SNRK: variants seen among roughly 807,000 people sequenced by gnomAD.
SNRK encodes the protein SNF related kinase, also known as SNF-related serine/threonine-protein kinase.
In SNRK, 3 loss-of-function variants were observed where a neutral mutation model predicts 48.2. That is an observed-to-expected ratio of 0.06 (90% CI 0.03 to 0.16). The LOEUF is 0.16. SNRK is among the 10% of genes least tolerant of loss of function. The pLI is 1.00. For missense variants in SNRK, 627 were observed against 976.0 expected, an observed-to-expected ratio of 0.64 and a Z score of 4.76; for synonymous variants, 376 against 366.1, an observed-to-expected ratio of 1.03 and a Z score of -0.31.
At chr3:43,332,785 C>T (rs937573506) in intron 4 of SNRK, 1 of 152,258 alleles carries the variant, frequency 6.6e-6, no homozygotes, top group Non-Finnish European at 1.5e-5. Flanking sequence ...CTTCACACAC[C>T]TTCTGCTAAT....
chr3:43,339,818 A>AATATATATAT lies in SNRK; in HGVS notation c.732-422_732-413dup, dbSNP rs71083066. Among the ~76,000 whole-genome samples the AATATATATAT allele has an allele frequency of 2.8e-3, 184 of 66,682 alleles. 4 individuals are homozygous for AATATATATAT. The highest frequency in any genetic ancestry group is 3.9e-3 in the Non-Finnish European group (124 of 32,112). The allele number at this position is 66,682 out of a possible 152,430, so 43.7% of individuals were successfully genotyped here. ...CAATGGAGTGGGACTCCATTTCCAAAATATATATATATATATATATATATA... is the reference window on the plus strand; with the variant it reads ...CAATGGAGTGGGACTCCATTTCCAAAATATATATATATATATATATATATATATATATATA... On this transcript the variant is annotated intron_variant, in intron 4 of 6. Transcript: ENST00000296088.
rs561476166 is a variant in SNRK, at chr3:43,312,749, A to G, written c.589+8957A>G. On this transcript the variant is annotated intron_variant, in intron 3 of 6. Coordinates refer to ENST00000296088, the MANE Select transcript of SNRK (RefSeq NM_017719.5). ...CCTAGAATATCAAATGAATTCTGCA[A>G]TATCACAGAATATTAGATCAACACC... Among the ~76,000 whole-genome samples the G allele has an allele frequency of 7.4e-4, 113 of 152,330 alleles. No homozygotes were observed. In the South Asian group the frequency reaches 9.1e-3, roughly 12 times the overall value.
chr3:43,325,534 G>A (rs1165299524), intron 3 of SNRK, among the ~76,000 whole-genome samples: 5 of 152,128 alleles, frequency 3.3e-5, no homozygotes, highest in South Asian at 2.1e-4. Flanking sequence ...AAACTAAAAC[G>A]TTTAGTTGAT....
At chr3:43,337,437 CGGG>C (rs1265426921) in intron 4 of SNRK, among the ~76,000 whole-genome samples, 1 of 151,780 alleles carries the variant, frequency 6.6e-6, no homozygotes, top group Non-Finnish European at 1.5e-5. Flanking sequence ...TGGAGGGTGT[CGGG>C]GGAATGGTCT....
At position 43,348,142 on chromosome 3, in the gene SNRK, G is replaced by T. The variant is rs1418974259; in HGVS notation, c.1883G>T (p.Gly628Val). Reference protein sequence around the residue: ...NTSGTTRRCAGPSNSMQLASR... With the variant: ...NTSGTTRRCAVPSNSMQLASR... ...TCGGGTACCACACGCCGCTGTGCCG[G>T]CCCCAGCAACTCCATGCAGCTGGCC... Residue 628 changes from glycine (G) to valine (V), a missense_variant, in exon 7 of 7, where the codon GGC becomes GTC. By Grantham distance (109) the Gly-to-Val change is moderately radical. This residue lies in a region of SNRK where 207 missense variants were observed against 234.3 expected (regional missense o/e 0.88). Transcript: ENST00000296088. 2 of 1,579,482 alleles carry T rather than the reference G, an allele frequency of 1.3e-6. No individual in the cohort carries two copies. The highest frequency in any genetic ancestry group is 2.7e-5 in the African/African-American group (2 of 73,958).
rs531710159 is a variant in SNRK at position 43,324,403 on chromosome 3, G to A, written c.590-7766G>A. Among the ~76,000 whole-genome samples the A allele has an allele frequency of 3.1e-3, 472 of 152,174 alleles. 3 individuals are homozygous for A. Among genetic ancestry groups the A allele is most frequent in the Admixed American group, 0.01 (155 of 15,282 alleles). The stretch of plus-strand genomic sequence containing the variant: ...ACATGCCTGTGGTTCCGGCTACTCC[G>A]GAGGCTGAGGCAGAAGAATCGCTTG... On this transcript the variant is annotated intron_variant, in intron 3 of 6. Transcript: ENST00000296088.
intron 1 of SNRK, among the ~76,000 whole-genome samples, chr3:43,299,077 C>T (rs1002413956): frequency 1.3e-5 from 2 of 152,156 alleles, no homozygotes; most frequent in Non-Finnish European, 2.9e-5. Context: ...AGTTAAGCCT[C>T]ATTGTACCTA....
intron 3 of SNRK, among the ~76,000 whole-genome samples, chr3:43,311,265 A>C (rs555095633): frequency 5.8e-4 from 88 of 152,186 alleles, no homozygotes; most frequent in African/African-American, 1.9e-3. Context: ...GTCCTCAGTT[A>C]ATCCTTCTAA....
intron 1 of SNRK, among the ~76,000 whole-genome samples, chr3:43,295,985 C>T (rs921280612): frequency 9.2e-5 from 14 of 152,068 alleles, no homozygotes; most frequent in African/African-American, 1.4e-4. Context: ...GTAATCTATC[C>T]GCTTTGGCCT....
chr3:43,298,965 A>T (rs1207795358), intron 1 of SNRK, among the ~76,000 whole-genome samples: 1 of 152,082 alleles, frequency 6.6e-6, no homozygotes, highest in Admixed American at 6.6e-5. Flanking sequence ...CTTGGCTGCT[A>T]TAGCGTGAGG....
chr3:43,316,641 T>G (rs1214712147), intron 3 of SNRK, among the ~76,000 whole-genome samples: 1 of 152,108 alleles, frequency 6.6e-6, no homozygotes, highest in Non-Finnish European at 1.5e-5. Context: ...TTTTCTTCCC[T>G]GCCTCCCATT....
chr3:43,346,872 T>A (rs1433720467), intron 6 of SNRK: 1 of 153,528 alleles, frequency 6.5e-6, no homozygotes, highest in Admixed American at 6.5e-5. Context: ...TTCCATTTCA[T>A]TTTATAAACA....
intron 3 of SNRK, among the ~76,000 whole-genome samples, chr3:43,304,658 T>C (rs912247981): frequency 1.2e-4 from 19 of 152,114 alleles, no homozygotes; most frequent in Admixed American, 4.6e-4. Flanking sequence ...AATTTGTTAA[T>C]CTTGGAAAAA....
chr3:43,344,992 G>A (rs1312078414), intron 6 of SNRK, among the ~76,000 whole-genome samples: 1 of 152,168 alleles, frequency 6.6e-6, no homozygotes, highest in African/African-American at 2.4e-5. Context: ...GAAATAGTAG[G>A]CCAGGCACAG....
intron 3 of SNRK, among the ~76,000 whole-genome samples, chr3:43,326,278 A>ATGTGTG (rs373729076): frequency 6.0e-5 from 9 of 151,168 alleles, no homozygotes; most frequent in East Asian, 3.9e-4. Context: ...AGCTTTGTGT[A>ATGTGTG]TGTGTGTGTG....
chr3:43,298,668 A>T (rs1290141769), intron 1 of SNRK, among the ~76,000 whole-genome samples: 1 of 152,226 alleles, frequency 6.6e-6, no homozygotes, highest in Non-Finnish European at 1.5e-5. Flanking sequence ...AGTGTAAATT[A>T]TCATGTTGGC....
chr3:43,347,806 T>C lies in SNRK; in HGVS notation c.1547T>C (p.Ile516Thr), dbSNP rs1288346098. Reference sequence around the variant, plus strand: ...AAGTTGAGCAGGTTAAAGATGAATATAGCTTCTCCAGGTACAGTTCACAAA... The same window carrying C: ...AAGTTGAGCAGGTTAAAGATGAATACAGCTTCTCCAGGTACAGTTCACAAA... ...PPKLSRLKMNIASPGTVHKRY... is the reference protein window; with the variant it reads ...PPKLSRLKMNTASPGTVHKRY... The change falls in exon 7 of 7, where the codon ATA (isoleucine) becomes ACA (threonine). Residue 516 changes from isoleucine to threonine, a missense_variant. This residue lies in a region of SNRK where 98 missense variants were observed against 175.2 expected (regional missense o/e 0.56). Coordinates refer to ENST00000296088, the MANE Select transcript of SNRK (RefSeq NM_017719.5). The surrounding 1 kb of genome is among the most constrained non-coding windows in gnomAD (Gnocchi z 5.4). The C allele has an allele frequency of 6.2e-7, 1 of 1,614,108 alleles. No individual in the cohort carries two copies. Among genetic ancestry groups the C allele is most frequent in the Non-Finnish European group, 8.5e-7 (1 of 1,180,034 alleles).
intron 1 of SNRK, among the ~76,000 whole-genome samples, chr3:43,296,430 A>ATATATG (rs371180789): frequency 0.011 from 1,536 of 146,068 alleles, 18 homozygotes; most frequent in Non-Finnish European, 0.017. Flanking sequence ...ATATATATAT[A>ATATATG]TATGTATATA....
At chr3:43,328,541 T>G (rs902201154) in intron 3 of SNRK, among the ~76,000 whole-genome samples, 1 of 152,080 alleles carries the variant, frequency 6.6e-6, no homozygotes, top group African/African-American at 2.4e-5. Flanking sequence ...TGGCTTAAAA[T>G]GAATGTTATA....
Sources: gnomAD v4.1 joint callset for allele counts (sites outside exome capture counted in the v4.1 genomes callset) on GRCh38, gnomAD v4.1.1 for gene constraint, gnomAD v4.1.1 regional missense constraint, Gnocchi (gnomAD v3.1) non-coding constraint, MANE v1.5 for transcripts, NCBI Gene and HGNC (gene_info 2026-07-23, HGNC 2026-07-21) for gene names.